The following CAT variants were observed in gnomAD, a reference collection of about 807,000 sequenced individuals.
CAT encodes catalase, also known as epididymis secretory sperm binding protein.
In CAT, 43 loss-of-function variants were observed where a neutral mutation model predicts 59.0. The observed-to-expected ratio is 0.73, with a 90% CI of 0.57 to 0.94. The LOEUF is 0.94. Among genes scored for constraint, CAT ranks in the 40% least tolerant of loss-of-function variants. CAT has a pLI of 0.00. For missense variants in CAT, 664 were observed against 682.9 expected (o/e 0.97, Z 0.31); for synonymous variants, 218 against 230.9 (o/e 0.94, Z 0.51).
At position 34,452,207 on chromosome 11, in the gene CAT, G is replaced by A. The variant is rs1203017748; in HGVS notation, c.480G>A (p.Leu160=). The change falls in exon 4 of 13, where the codon TTG becomes TTA. Residue 160 remains leucine, a splice_region_variant and synonymous_variant. Coordinates refer to ENST00000241052, the MANE Select transcript of CAT (RefSeq NM_001752.4). ...TPIFFIRDPI[L]FPSFIHSQKR... is the part of the protein sequence containing the mutation. ...TTTTCTTCATCAGGGATCCCATATT[G>A]GTAGGTAATAGAGTATTTTGCACTC... 6.2e-7 allele frequency: 1 copy of A among 1,613,456 alleles called. No individual in the cohort carries two copies. Among genetic ancestry groups the A allele is most frequent in the South Asian group, 1.1e-5 (1 of 91,040 alleles).
chr11:34,455,527 T>G (rs2133185145), intron 6 of CAT, among the ~76,000 whole-genome samples: 1 of 149,384 alleles, frequency 6.7e-6, no homozygotes, highest in Non-Finnish European at 1.5e-5. Flanking sequence ...ATTCTATGAT[T>G]TATTAAAAAA....
At chr11:34,464,839 T>A (rs1165845025) in intron 10 of CAT, among the ~76,000 whole-genome samples, 1 of 152,092 alleles carries the variant, frequency 6.6e-6, no homozygotes, top group African/African-American at 2.4e-5. Context: ...TTCTCCATTA[T>A]TACTTTTTTT....
At chr11:34,460,451 T>C (rs1198717340) in intron 8 of CAT, among the ~76,000 whole-genome samples, 5 of 143,856 alleles carry the variant, frequency 3.5e-5, no homozygotes, top group East Asian at 2.0e-4. Flanking sequence ...CGGTACTTTT[T>C]TTTTTTTTTT....
At chr11:34,461,412 C>A (rs762226867) in intron 9 of CAT, 23 bp downstream of exon 9, 2 of 1,613,822 alleles carry the variant, frequency 1.2e-6, no homozygotes, top group Admixed American at 1.7e-5. Flanking sequence ...ACGTTGGGCT[C>A]CCCCTGCGTG....
rs913320074 is a variant in CAT at position 34,471,045 on chromosome 11, A to G, written c.1518+4A>G. On this transcript the variant is annotated splice_donor_region_variant and intron_variant, in intron 12 of 12. Transcript: ENST00000241052. ...GTACAATGCTGAGAAGCCTAAGGTAAGCTGGGAGCAGCCTGGCCATGCAGA... is the reference window on the plus strand; with the variant it reads ...GTACAATGCTGAGAAGCCTAAGGTAGGCTGGGAGCAGCCTGGCCATGCAGA... 18 of 1,613,294 alleles carry G rather than the reference A, an allele frequency of 1.1e-5. No homozygotes were observed. Among genetic ancestry groups the G allele is most frequent in the Non-Finnish European group, 1.4e-5 (16 of 1,179,292 alleles).
At chr11:34,440,092 G>A (rs563651666) in intron 1 of CAT, among the ~76,000 whole-genome samples, 1 of 152,196 alleles carries the variant, frequency 6.6e-6, no homozygotes, top group Non-Finnish European at 1.5e-5. Flanking sequence ...TAAAGGTCTT[G>A]CCCTGTTCCC....
chr11:34,455,091 A>G (rs879938986), intron 6 of CAT, among the ~76,000 whole-genome samples: 2 of 152,228 alleles, frequency 1.3e-5, no homozygotes, highest in East Asian at 1.9e-4. Context: ...AAAATCAGAA[A>G]GGTATTGCAG....
At chr11:34,440,785 A>G (rs1363416263) in intron 1 of CAT, among the ~76,000 whole-genome samples, 1 of 151,864 alleles carries the variant, frequency 6.6e-6, no homozygotes, top group Non-Finnish European at 1.5e-5. Context: ...CTGGACTGGA[A>G]CTCCTGACCT....
At chr11:34,452,010 T>A in intron 3 of CAT, 67 bp from the exon 4 acceptor site, 2 of 1,569,548 alleles carry the variant, frequency 1.3e-6, no homozygotes, top group Non-Finnish European at 1.8e-6. Flanking sequence ...TGCTTCTTTA[T>A]GTCTCCAGGC....
chr11:34,452,308 AAAG>A, intron 4 of CAT, 101 bp downstream of exon 4: 2 of 1,129,344 alleles, frequency 1.8e-6, no homozygotes, highest in East Asian at 2.4e-5. Flanking sequence ...GGCAGAAAGA[AAAG>A]AATGCGAGTT....
intron 1 of CAT, among the ~76,000 whole-genome samples, chr11:34,446,640 G>T (rs897022842): frequency 6.6e-6 from 1 of 152,140 alleles, no homozygotes; most frequent in Non-Finnish European, 1.5e-5. Context: ...CCCTCCCCAC[G>T]TTAAGAATGC....
At chr11:34,451,823 CTTA>C (rs1267062357) in intron 3 of CAT, among the ~76,000 whole-genome samples, 11 of 152,182 alleles carry the variant, frequency 7.2e-5, no homozygotes, top group Non-Finnish European at 1.5e-4. Context: ...ACAAAGTTAT[CTTA>C]TTATGGTAAA....
At chr11:34,441,379 G>T (rs1856387726) in intron 1 of CAT, among the ~76,000 whole-genome samples, 2 of 152,120 alleles carry the variant, frequency 1.3e-5, no homozygotes, top group Admixed American at 1.3e-4. Context: ...CATTCAAGTT[G>T]TTTCATGTAT....
chr11:34,470,027 T>A (rs1489243413), intron 11 of CAT, among the ~76,000 whole-genome samples: 3 of 152,160 alleles, frequency 2.0e-5, no homozygotes, highest in African/African-American at 7.2e-5. Flanking sequence ...ACAGTAACTG[T>A]GTGTCCTATA....
chr11:34,466,870 G>GACA (rs1856725927), intron 10 of CAT, among the ~76,000 whole-genome samples: 1 of 151,528 alleles, frequency 6.6e-6, no homozygotes, highest in South Asian at 2.1e-4. Context: ...GAGTTGAATG[G>GACA]ACATAACTAG....
chr11:34,447,521 A>G (rs1014964706), intron 1 of CAT, among the ~76,000 whole-genome samples: 16 of 152,176 alleles, frequency 1.1e-4, no homozygotes, highest in Admixed American at 2.0e-4. Flanking sequence ...ATGTATCTTC[A>G]AAAGAGTGAT....
chr11:34,452,323 T>C (rs1334611241), intron 4 of CAT, 116 bp downstream of exon 4: 1 of 927,560 alleles, frequency 1.1e-6, no homozygotes, highest in Non-Finnish European at 1.7e-6. Flanking sequence ...ATGCGAGTTG[T>C]CTGGACTACT....
chr11:34,457,576 A>G (rs756147174), intron 8 of CAT, among the ~76,000 whole-genome samples: 15 of 152,152 alleles, frequency 9.9e-5, no homozygotes, highest in Middle Eastern at 3.2e-3. Context: ...GATCTTTATG[A>G]ACTACATGTA....
intron 1 of CAT, among the ~76,000 whole-genome samples, chr11:34,447,249 T>G (rs1397819742): frequency 6.6e-6 from 1 of 152,142 alleles, no homozygotes; most frequent in Non-Finnish European, 1.5e-5. Context: ...CCAGGGCACT[T>G]CTATCAGACA....
Sources: gnomAD v4.1 joint callset for allele counts (sites outside exome capture counted in the v4.1 genomes callset) on GRCh38, gnomAD v4.1.1 for gene constraint, MANE v1.5 for transcripts, NCBI Gene and HGNC (gene_info 2026-07-23, HGNC 2026-07-21) for gene names.